Variants in PRKG1 observed in about 807,000 individuals in gnomAD.
PRKG1 encodes the protein cGMP-dependent protein kinase 1.
In PRKG1, 35 loss-of-function variants were observed where a neutral mutation model predicts 88.1. The observed-to-expected ratio is 0.40, with a 90% confidence interval of 0.30 to 0.53. PRKG1 has a LOEUF of 0.53. Among genes scored for constraint, PRKG1 ranks in the 20% least tolerant of loss-of-function variants. The pLI, the probability that PRKG1 is intolerant of heterozygous loss-of-function variation, is 0.59. For synonymous variants in PRKG1, 303 were observed against 292.5 expected (o/e 1.04, Z -0.37); for missense variants, 540 against 839.8 (o/e 0.64, Z 4.41).
intron 5 of PRKG1, among the ~76,000 whole-genome samples, chr10:52,034,965 T>C (rs1254093489): frequency 6.6e-5 from 10 of 152,088 alleles, no homozygotes; most frequent in Non-Finnish European, 1.5e-4. Flanking sequence ...GCTGAGTGTG[T>C]TTTTAAAAGA....
intron 8 of PRKG1, among the ~76,000 whole-genome samples, chr10:52,139,319 A>G (rs1837511459): frequency 6.6e-6 from 1 of 152,126 alleles, no homozygotes; most frequent in Non-Finnish European, 1.5e-5. Context: ...GGAAAACCTC[A>G]GTGCCTTCCA....
At chr10:51,968,666 C>CA (rs201699941) in intron 5 of PRKG1, among the ~76,000 whole-genome samples, 245 of 150,656 alleles carry the variant, frequency 1.6e-3, no homozygotes, top group African/African-American at 5.5e-3. Flanking sequence ...ACTGAAAATA[C>CA]AAAAAAATTA....
intron 1 of PRKG1, among the ~76,000 whole-genome samples, chr10:50,996,547 C>A (rs1842838868): frequency 6.6e-6 from 1 of 152,182 alleles, no homozygotes; most frequent in African/African-American, 2.4e-5. Context: ...CTGTGCCAGG[C>A]TGGAATTTCC....
intron 9 of PRKG1, among the ~76,000 whole-genome samples, chr10:52,203,424 T>A (rs1477431287): frequency 6.6e-6 from 1 of 152,226 alleles, no homozygotes; most frequent in Non-Finnish European, 1.5e-5. Context: ...GAGAATTATT[T>A]TATGGTCAAC....
intron 3 of PRKG1, among the ~76,000 whole-genome samples, chr10:51,684,599 G>T (rs1204441095): frequency 5.3e-5 from 8 of 152,094 alleles, no homozygotes; most frequent in African/African-American, 1.9e-4. Context: ...GCCAGGCGCA[G>T]TGGCTCAGTC....
intron 2 of PRKG1, among the ~76,000 whole-genome samples, chr10:51,255,562 A>G (rs572398225): frequency 8.1e-4 from 123 of 152,244 alleles, no homozygotes; most frequent in African/African-American, 2.9e-3. Context: ...TTTGGTCTCT[A>G]CAAAGCATTG....
intron 1 of PRKG1, among the ~76,000 whole-genome samples, chr10:51,053,773 T>G (rs1843594787): frequency 3.2e-5 from 2 of 62,588 alleles, no homozygotes; most frequent in African/African-American, 8.9e-5. Flanking sequence ...TTATGGGTTT[T>G]TTTTGTTTTT....
intron 1 of PRKG1, among the ~76,000 whole-genome samples, chr10:51,008,623 T>C (rs565498705): frequency 2.3e-4 from 35 of 152,310 alleles, no homozygotes; most frequent in African/African-American, 7.0e-4. Context: ...GTAAGATTAC[T>C]AGTCATTCAA....
At chr10:51,906,231 CAG>C (rs996082232) in intron 4 of PRKG1, among the ~76,000 whole-genome samples, 1 of 152,100 alleles carries the variant, frequency 6.6e-6, no homozygotes, top group African/African-American at 2.4e-5. Flanking sequence ...AGCAGACTAA[CAG>C]AGGAGAGAGT....
At chr10:51,376,744 G>A (rs145767050) in intron 2 of PRKG1, among the ~76,000 whole-genome samples, 9 of 152,084 alleles carry the variant, frequency 5.9e-5, no homozygotes, top group South Asian at 2.1e-4. Context: ...GTGCGATCTC[G>A]GCTCACTGCA....
chr10:51,381,072 C>T (rs1837080648), intron 2 of PRKG1, among the ~76,000 whole-genome samples: 1 of 151,386 alleles, frequency 6.6e-6, no homozygotes, highest in Admixed American at 6.6e-5. Flanking sequence ...GCCTGGCCAA[C>T]ATGGTGAAAC....
At chr10:52,141,470 G>T (rs932858178) in intron 8 of PRKG1, among the ~76,000 whole-genome samples, 8 of 151,882 alleles carry the variant, frequency 5.3e-5, no homozygotes, top group Non-Finnish European at 1.0e-4. Context: ...CCAGACTGTT[G>T]GTTCATCCAC....
At chr10:51,778,317 C>T (rs1040599278) in intron 3 of PRKG1, among the ~76,000 whole-genome samples, 3 of 152,056 alleles carry the variant, frequency 2.0e-5, no homozygotes, top group South Asian at 4.1e-4. Flanking sequence ...GTTCTCAGGT[C>T]GTTGTGATCT....
At chr10:51,698,799 G>A in intron 3 of PRKG1, 1 of 1,614,184 alleles carries the variant, frequency 6.2e-7, no homozygotes, top group Non-Finnish European at 8.5e-7. Context: ...ATCAGAGGAG[G>A]AATGTCCTTC....
At chr10:51,514,720 A>C (rs1341885006) in intron 3 of PRKG1, among the ~76,000 whole-genome samples, 2 of 152,194 alleles carry the variant, frequency 1.3e-5, no homozygotes, top group Non-Finnish European at 1.5e-5. Flanking sequence ...AATCTAGATG[A>C]ATCTGGACTG....
intron 3 of PRKG1, among the ~76,000 whole-genome samples, chr10:51,513,556 C>T (rs1267925730): frequency 7.5e-5 from 7 of 93,288 alleles, no homozygotes; most frequent in African/African-American, 2.2e-4. Context: ...TTTTTCAGCA[C>T]CACACCACAC....
intron 2 of PRKG1, among the ~76,000 whole-genome samples, chr10:51,461,768 A>G (rs1034175091): frequency 9.9e-5 from 15 of 152,190 alleles, no homozygotes; most frequent in African/African-American, 3.6e-4. Flanking sequence ...ACATATATAA[A>G]TGACTAACAA....
intron 3 of PRKG1, chr10:51,699,146 A>T: frequency 6.2e-7 from 1 of 1,613,850 alleles, no homozygotes; most frequent in Admixed American, 1.7e-5. Context: ...CTCCGGGGGG[A>T]GACTGGCTAC....
chr10:52,065,458 A>T (rs1229010704), intron 7 of PRKG1, among the ~76,000 whole-genome samples: 1 of 152,176 alleles, frequency 6.6e-6, no homozygotes, highest in Admixed American at 6.5e-5. Flanking sequence ...ACTTCTAAGA[A>T]GTAATTTAGG....
Sources: gnomAD v4.1 joint callset for allele counts (sites outside exome capture counted in the v4.1 genomes callset) on GRCh38, gnomAD v4.1.1 for gene constraint, MANE v1.5 for transcripts, NCBI Gene and HGNC (gene_info 2026-07-23, HGNC 2026-07-21) for gene names.